Variants in CD2AP observed in about 807,000 individuals in gnomAD.
CD2AP encodes CD2 associated protein, also known as CD2-associated protein.
A neutral mutation model predicts 85.1 loss-of-function variants in CD2AP; 46 were observed. That is an observed-to-expected ratio of 0.54 (90% CI 0.43 to 0.69). The LOEUF (loss-of-function observed/expected upper bound fraction) is 0.69. Ranked by LOEUF, CD2AP falls within the 30% of genes least tolerant of loss-of-function variation. The probability of loss-of-function intolerance (pLI) is 0.00; values close to 1 mark genes in which losing one functional copy is unlikely to be tolerated. For synonymous variants in CD2AP, 255 were observed against 252.9 expected (o/e 1.01, Z -0.08); for missense variants, 769 against 729.5 (o/e 1.05, Z -0.62).
At chr6:47,566,202 A>G (rs1767988516) in intron 5 of CD2AP, among the ~76,000 whole-genome samples, 1 of 150,350 alleles carries the variant, frequency 6.7e-6, no homozygotes, top group Non-Finnish European at 1.5e-5. Flanking sequence ...AGTCCCCATT[A>G]TCCACTTTTT....
At chr6:47,582,843 C>G (rs1324383927) in intron 11 of CD2AP, among the ~76,000 whole-genome samples, 1 of 147,398 alleles carries the variant, frequency 6.8e-6, no homozygotes, top group African/African-American at 2.5e-5. Context: ...AGTGCAGTGG[C>G]GCAATATCGG....
chr6:47,604,057 C>A (rs1489507404), intron 13 of CD2AP, among the ~76,000 whole-genome samples: 2 of 151,918 alleles, frequency 1.3e-5, no homozygotes, highest in Non-Finnish European at 2.9e-5. Flanking sequence ...AAATTGGCAA[C>A]CATAAAAATC....
chr6:47,489,586 T>G (rs1765671254), intron 1 of CD2AP, among the ~76,000 whole-genome samples: 1 of 152,102 alleles, frequency 6.6e-6, no homozygotes, highest in Non-Finnish European at 1.5e-5. Flanking sequence ...CAGTTGATAC[T>G]TAGTTACTAG....
At chr6:47,619,812 G>T (rs373589026) in intron 17 of CD2AP, among the ~76,000 whole-genome samples, 1 of 152,128 alleles carries the variant, frequency 6.6e-6, no homozygotes, top group African/African-American at 2.4e-5. Flanking sequence ...ACATTTCCCC[G>T]ATCATTAGTG....
At chr6:47,511,400 G>A (rs9463335) in intron 2 of CD2AP, among the ~76,000 whole-genome samples, 33,696 of 152,098 alleles carry the variant, frequency 0.22, 3,915 homozygotes, top group Non-Finnish European at 0.27. Context: ...AAGAGGCAAA[G>A]GAGACATAAT....
intron 11 of CD2AP, among the ~76,000 whole-genome samples, chr6:47,595,297 A>G (rs1219394325): frequency 6.6e-6 from 1 of 152,042 alleles, no homozygotes; most frequent in Admixed American, 6.6e-5. Context: ...TGGTATTAAT[A>G]AAATTCTTAG....
At chr6:47,515,216 G>A (rs1162781421) in intron 2 of CD2AP, among the ~76,000 whole-genome samples, 1 of 152,090 alleles carries the variant, frequency 6.6e-6, no homozygotes, top group Non-Finnish European at 1.5e-5. Context: ...GGAGTAATGG[G>A]ATTTAAGACT....
chr6:47,492,163 C>A (rs531586820), intron 1 of CD2AP, among the ~76,000 whole-genome samples: 17 of 152,180 alleles, frequency 1.1e-4, no homozygotes, highest in African/African-American at 3.9e-4. Flanking sequence ...CTATCATAAT[C>A]CCTTCAAGCT....
intron 17 of CD2AP, among the ~76,000 whole-genome samples, chr6:47,617,196 C>T (rs1769616557): frequency 1.3e-5 from 2 of 152,216 alleles, no homozygotes; most frequent in African/African-American, 4.8e-5. Flanking sequence ...AACTCCTGGC[C>T]TCAAGTGATC....
At chr6:47,539,501 C>T (rs1019604134) in intron 3 of CD2AP, among the ~76,000 whole-genome samples, 2 of 152,114 alleles carry the variant, frequency 1.3e-5, no homozygotes, top group East Asian at 1.9e-4. Context: ...TGTCAAAGTA[C>T]TGTGTAATCT....
intron 4 of CD2AP, among the ~76,000 whole-genome samples, chr6:47,545,795 C>T (rs181018196): frequency 6.6e-6 from 1 of 152,210 alleles, no homozygotes; most frequent in East Asian, 1.9e-4. Context: ...GAAGCCACAT[C>T]CCTAGGAAAA....
intron 1 of CD2AP, among the ~76,000 whole-genome samples, chr6:47,485,704 A>G (rs1275502265): frequency 3.3e-5 from 5 of 152,172 alleles, no homozygotes; most frequent in South Asian, 2.1e-4. Context: ...CCAGTCCTGT[A>G]ATCTCTATTC....
intron 2 of CD2AP, among the ~76,000 whole-genome samples, chr6:47,532,404 CACACACACACACACACA>C (rs1363416606): frequency 3.0e-5 from 4 of 133,396 alleles, no homozygotes; most frequent in Non-Finnish European, 4.7e-5. Flanking sequence ...CACACACACA[CACACACACACACACACA>C]ATACTTGCCA....
intron 3 of CD2AP, among the ~76,000 whole-genome samples, chr6:47,538,992 G>A (rs899628570): frequency 4.6e-5 from 7 of 152,182 alleles, no homozygotes; most frequent in Non-Finnish European, 8.8e-5. Flanking sequence ...TTGAACTCTT[G>A]TGTGTCAAAT....
intron 2 of CD2AP, among the ~76,000 whole-genome samples, chr6:47,517,447 C>G (rs1010414966): frequency 2.6e-5 from 4 of 152,038 alleles, no homozygotes; most frequent in Admixed American, 2.6e-4. Context: ...GCCACCATGC[C>G]TGGCTAATGT....
Position 47,579,333 on chromosome 6 carries a change from T to TA in CD2AP, c.904-52_904-51insA, listed in dbSNP as rs1317314580. The TA allele has an allele frequency of 5.1e-4, 268 of 528,590 alleles. 1 individual carries two copies. The African/African-American group carries it at 7.1e-3, about 14-fold the overall frequency. The allele number at this position is 528,590 out of a possible 1,614,324, so 32.7% of individuals were successfully genotyped here. On this transcript the variant is annotated intron_variant, in intron 8 of 17. Transcript: ENST00000359314. ...CTGGCCAACAGAGCAACACTTTATC[T>TA]TAAAAAAAAAAAAAAGGTCTATTGT...
intron 5 of CD2AP, among the ~76,000 whole-genome samples, chr6:47,566,599 C>T (rs191430401): frequency 6.6e-6 from 1 of 152,106 alleles, no homozygotes; most frequent in East Asian, 1.9e-4. Context: ...GACCCATCCT[C>T]TCAATTCTCC....
rs181649990 is a variant in CD2AP, at chr6:47,520,279, T to C, written c.166-13323T>C. On this transcript the variant is annotated intron_variant, in intron 2 of 17. Transcript: ENST00000359314. Reference sequence around the variant, plus strand: ...GGTAGAAGTATCAGTGGTAAAAATATTTATAACAGTCAATATTGGTTGAGG... The same window carrying C: ...GGTAGAAGTATCAGTGGTAAAAATACTTATAACAGTCAATATTGGTTGAGG... Among the ~76,000 whole-genome samples the C allele has an allele frequency of 2.5e-3, 385 of 152,326 alleles. 1 individual carries two copies. Among genetic ancestry groups the C allele is most frequent in the African/African-American group, 8.5e-3 (353 of 41,570 alleles).
chr6:47,616,082 CTTT>C (rs562350159), intron 17 of CD2AP, among the ~76,000 whole-genome samples: 5 of 63,812 alleles, frequency 7.8e-5, no homozygotes, highest in African/African-American at 2.2e-4. Flanking sequence ...TGCGCCTGGC[CTTT>C]TTTTTTTTTT....
Sources: gnomAD v4.1 joint callset for allele counts (sites outside exome capture counted in the v4.1 genomes callset) on GRCh38, gnomAD v4.1.1 for gene constraint, MANE v1.5 for transcripts, NCBI Gene and HGNC (gene_info 2026-07-23, HGNC 2026-07-21) for gene names.